PPTC7: variants seen among roughly 807,000 people sequenced by gnomAD.
PPTC7 encodes protein phosphatase targeting COQ7.
In PPTC7, 6 loss-of-function variants were observed where a neutral mutation model predicts 30.8. The observed-to-expected ratio is 0.19, with a 90% confidence interval of 0.11 to 0.38. PPTC7 has a LOEUF of 0.38. Among genes scored for constraint, PPTC7 ranks in the 10% least tolerant of loss-of-function variants. PPTC7 has a pLI of 1.00. For synonymous variants in PPTC7, 163 were observed against 168.1 expected, an observed-to-expected ratio of 0.97 and a Z score of 0.23; for missense variants, 218 against 404.8, an observed-to-expected ratio of 0.54 and a Z score of 3.96.
Position 110,545,910 on chromosome 12 carries a change from G to C in PPTC7, c.572C>G (p.Pro191Arg), listed in dbSNP as rs1175524346. 1 of 1,613,846 alleles carries C rather than the reference G, an allele frequency of 6.2e-7. No individual in the cohort carries two copies. Among genetic ancestry groups the C allele is most frequent in the South Asian group, 1.1e-5 (1 of 91,058 alleles). The change falls in exon 3 of 6, where the codon CCT (proline) becomes CGT (arginine). Residue 191 changes from proline (P) to arginine (R), a missense_variant. By Grantham distance (103) the Pro-to-Arg change is moderately radical. Coordinates refer to ENST00000354300, the MANE Select transcript of PPTC7 (RefSeq NM_139283.2). ...NTPFQLSIAPPEAEGVVLSDS... is the reference protein window; with the variant it reads ...NTPFQLSIAPREAEGVVLSDS... The stretch of plus-strand genomic sequence containing the variant: ...GCTCAAGACGACTCCCTCGGCTTCA[G>C]GGGGAGCGATTGAGAGCTGGAATGG...
intron 1 of PPTC7, among the ~76,000 whole-genome samples, chr12:110,572,686 A>T (rs1002993734): frequency 6.6e-6 from 1 of 152,104 alleles, no homozygotes; most frequent in African/African-American, 2.4e-5. Context: ...CATACCAACA[A>T]TTCAATCCAT....
intron 2 of PPTC7, chr12:110,546,703 C>T (rs1001200728): frequency 1.3e-5 from 2 of 154,866 alleles, no homozygotes; most frequent in African/African-American, 2.4e-5. Context: ...CTCTGCATAG[C>T]TTTGCTGTGC....
At chr12:110,579,251 T>C (rs912142554) in intron 1 of PPTC7, among the ~76,000 whole-genome samples, 2 of 152,102 alleles carry the variant, frequency 1.3e-5, no homozygotes, top group African/African-American at 2.4e-5. Flanking sequence ...GGCCAACTCA[T>C]GAAGTTATTT....
At chr12:110,543,151 T>C (rs2064276508) in intron 3 of PPTC7, among the ~76,000 whole-genome samples, 8 of 152,192 alleles carry the variant, frequency 5.3e-5, no homozygotes, top group Admixed American at 5.2e-4. Flanking sequence ...GTGACAACAT[T>C]TGTGAAGAGA....
chr12:110,550,692 G>C (rs919677074), intron 2 of PPTC7, among the ~76,000 whole-genome samples: 2 of 152,138 alleles, frequency 1.3e-5, no homozygotes, highest in African/African-American at 2.4e-5. Context: ...AAACGTAGAG[G>C]CCTGGCCAAA....
intron 2 of PPTC7, among the ~76,000 whole-genome samples, chr12:110,551,300 C>T (rs1248361213): frequency 6.6e-6 from 1 of 152,186 alleles, no homozygotes. Context: ...CTGTACCTAT[C>T]CACATTCCCT....
chr12:110,578,405 A>G (rs1463953098), intron 1 of PPTC7, among the ~76,000 whole-genome samples: 1 of 152,138 alleles, frequency 6.6e-6, no homozygotes, highest in Non-Finnish European at 1.5e-5. Flanking sequence ...AGTAAAGAGA[A>G]AGCACCTTTG....
At chr12:110,545,477 A>G (rs2064298830) in intron 3 of PPTC7, among the ~76,000 whole-genome samples, 1 of 152,232 alleles carries the variant, frequency 6.6e-6, no homozygotes, top group African/African-American at 2.4e-5. Context: ...AGTTACTCCA[A>G]TAAATAACGC....
chr12:110,572,640 C>T (rs2064547823), intron 1 of PPTC7, among the ~76,000 whole-genome samples: 1 of 152,150 alleles, frequency 6.6e-6, no homozygotes, highest in Non-Finnish European at 1.5e-5. Context: ...TAGTCTCTGG[C>T]AAAGTTTTTG....
intron 1 of PPTC7, among the ~76,000 whole-genome samples, chr12:110,579,873 C>T (rs2064622201): frequency 6.6e-6 from 1 of 151,896 alleles, no homozygotes; most frequent in African/African-American, 2.4e-5. Flanking sequence ...ATTAGCCGGG[C>T]GTGATGGCGC....
chr12:110,548,426 T>C (rs937296512), intron 2 of PPTC7, among the ~76,000 whole-genome samples: 23 of 152,320 alleles, frequency 1.5e-4, no homozygotes, highest in African/African-American at 5.1e-4. Context: ...ACTCATACTA[T>C]GCTAGCCATT....
At chr12:110,573,683 T>C (rs892332293) in intron 1 of PPTC7, among the ~76,000 whole-genome samples, 3 of 152,158 alleles carry the variant, frequency 2.0e-5, no homozygotes. Flanking sequence ...CATCCATTTA[T>C]TTAAAAGCAC....
Position 110,583,023 on chromosome 12 carries a change from C to G in PPTC7, c.9G>C (p.Ser3=). The change falls in exon 1 of 6, where the codon TCG becomes TCC. Residue 3 remains serine, a synonymous_variant. Coordinates refer to ENST00000354300, the MANE Select transcript of PPTC7 (RefSeq NM_139283.2). MF[S]VLSYGRLVAR... ...CCACCAGCCGCCCGTACGAGAGGAC[C>G]GAGAACATCGCCGCCGCCGCCCCCC... 4 of 1,421,764 alleles carry G rather than the reference C, an allele frequency of 2.8e-6. No homozygotes were observed. Among genetic ancestry groups the G allele is most frequent in the South Asian group, 1.5e-5 (1 of 66,546 alleles). 88.1% of individuals were successfully genotyped at this position (1,421,764 alleles called of 1,614,324 possible). A position where few individuals can be genotyped will look rare whatever the true frequency, so the allele number is the denominator to read the frequency against.
At chr12:110,573,889 G>A (rs780398343) in intron 1 of PPTC7, among the ~76,000 whole-genome samples, 3 of 152,018 alleles carry the variant, frequency 2.0e-5, no homozygotes, top group Non-Finnish European at 2.9e-5. Flanking sequence ...GCTGAGGCAC[G>A]AGAATCGCTT....
intron 1 of PPTC7, among the ~76,000 whole-genome samples, chr12:110,560,892 A>G (rs2064433202): frequency 6.6e-6 from 1 of 152,220 alleles, no homozygotes; most frequent in African/African-American, 2.4e-5. Context: ...TACTGGCTCT[A>G]CATGGATTGT....
intron 1 of PPTC7, among the ~76,000 whole-genome samples, chr12:110,571,446 A>G (rs1394333379): frequency 5.3e-5 from 8 of 152,082 alleles, no homozygotes; most frequent in Middle Eastern, 3.4e-3. Context: ...ACAGAAGAAG[A>G]TAGCATTTCA....
At chr12:110,571,030 C>G (rs1235675220) in intron 1 of PPTC7, among the ~76,000 whole-genome samples, 1 of 152,270 alleles carries the variant, frequency 6.6e-6, no homozygotes, top group Middle Eastern at 3.2e-3. Context: ...TGGGGCTTTT[C>G]TCTAGGGTGA....
chr12:110,575,044 C>T (rs2064577170), intron 1 of PPTC7, among the ~76,000 whole-genome samples: 1 of 151,386 alleles, frequency 6.6e-6, no homozygotes, highest in Non-Finnish European at 1.5e-5. Flanking sequence ...CCCGCCTTGG[C>T]CTCCCAAAGT....
At chr12:110,562,250 G>A (rs1388036345) in intron 1 of PPTC7, among the ~76,000 whole-genome samples, 2 of 114,432 alleles carry the variant, frequency 1.7e-5, no homozygotes, top group South Asian at 3.0e-4. Context: ...TCGCACCACT[G>A]CACTCCAGCC....
Sources: gnomAD v4.1 joint callset for allele counts (sites outside exome capture counted in the v4.1 genomes callset) on GRCh38, gnomAD v4.1.1 for gene constraint, MANE v1.5 for transcripts, NCBI Gene and HGNC (gene_info 2026-07-23, HGNC 2026-07-21) for gene names.